The following CABIN1 variants were observed in gnomAD, a reference collection of about 807,000 sequenced individuals.
CABIN1 encodes calcineurin-binding protein cabin-1.
Under a neutral mutation model 227.7 loss-of-function variants are expected in CABIN1, and 133 were observed. The ratio of observed to expected loss-of-function variants is 0.58; its 90% CI spans 0.51 to 0.67. The LOEUF is 0.67. Ranked by LOEUF, CABIN1 falls within the 30% of genes least tolerant of loss-of-function variation. CABIN1 has a pLI of 0.00. For synonymous variants in CABIN1, 1,086 were observed against 1,155.1 expected, an observed-to-expected ratio of 0.94 and a Z score of 1.21; for missense variants, 2,408 against 2,852.5, an observed-to-expected ratio of 0.84 and a Z score of 3.55.
At chr22:24,061,642 T>C (rs1008893765) in intron 12 of CABIN1, among the ~76,000 whole-genome samples, 5 of 152,240 alleles carry the variant, frequency 3.3e-5, no homozygotes, top group East Asian at 1.9e-4. Flanking sequence ...GGTTGAGTTC[T>C]ATAATTTGGA....
chr22:24,077,994 C>G (rs2040553646), intron 19 of CABIN1, among the ~76,000 whole-genome samples: 1 of 152,146 alleles, frequency 6.6e-6, no homozygotes, highest in African/African-American at 2.4e-5. Flanking sequence ...ATTTTCCTGC[C>G]CAAGGCCCAG....
intron 24 of CABIN1, 78 bp from the exon 25 acceptor site, chr22:24,095,845 GCCCATTTC>G: frequency 6.8e-7 from 1 of 1,465,358 alleles, no homozygotes; most frequent in South Asian, 1.1e-5. Flanking sequence ...CTGGTCATGG[GCCCATTTC>G]CAGTGTGGCT....
At chr22:24,043,723 G>C (rs1290392456) in intron 6 of CABIN1, among the ~76,000 whole-genome samples, 1 of 152,174 alleles carries the variant, frequency 6.6e-6, no homozygotes, top group East Asian at 1.9e-4. Flanking sequence ...TCGCATTCCT[G>C]TCTGGGTGAC....
At chr22:24,079,282 A>T (rs1419617591) in intron 19 of CABIN1, among the ~76,000 whole-genome samples, 1 of 151,626 alleles carries the variant, frequency 6.6e-6, no homozygotes, top group Non-Finnish European at 1.5e-5. Context: ...ATTTGTTATT[A>T]TTTTTTAAAA....
At chr22:24,170,087 G>A (rs756738311) in intron 33 of CABIN1, 1 of 454,830 alleles carries the variant, frequency 2.2e-6, no homozygotes, top group South Asian at 1.6e-5. Context: ...GTGGCAGGGA[G>A]GAGGCCCTAA....
At chr22:24,062,169 A>G in intron 13 of CABIN1, 144 bp downstream of exon 13, 2 of 716,484 alleles carry the variant, frequency 2.8e-6, no homozygotes, top group South Asian at 3.0e-5. Context: ...TCAGGGTCCC[A>G]GGGAAATCTC....
At chr22:24,077,257 G>A (rs918883223) in intron 19 of CABIN1, among the ~76,000 whole-genome samples, 8 of 152,112 alleles carry the variant, frequency 5.3e-5, no homozygotes, top group African/African-American at 1.9e-4. Context: ...AGTGTATTGT[G>A]TGTCTCTGCT....
At chr22:24,020,814 T>C (rs1182208149) in intron 1 of CABIN1, among the ~76,000 whole-genome samples, 1 of 149,704 alleles carries the variant, frequency 6.7e-6, no homozygotes, top group Non-Finnish European at 1.5e-5. Context: ...GGAAGGTGTT[T>C]TCTTTGTGAC....
chr22:24,091,910 G>A, intron 24 of CABIN1, 67 bp downstream of exon 24: 1 of 1,588,240 alleles, frequency 6.3e-7, no homozygotes. Context: ...ATCTCCCTGG[G>A]CATGTGGCTC....
chr22:24,069,033 GT>G (rs1374036225), intron 16 of CABIN1, among the ~76,000 whole-genome samples: 9 of 152,204 alleles, frequency 5.9e-5, no homozygotes, highest in Non-Finnish European at 1.0e-4. Context: ...CAGTGTTAAT[GT>G]TTTATGTTTT....
At chr22:24,111,300 G>T (rs1172382987) in intron 26 of CABIN1, among the ~76,000 whole-genome samples, 1 of 152,206 alleles carries the variant, frequency 6.6e-6, no homozygotes, top group South Asian at 2.1e-4. Context: ...CCAACCCCCA[G>T]GTCACAGACT....
intron 28 of CABIN1, among the ~76,000 whole-genome samples, chr22:24,133,988 C>T (rs1393554479): frequency 4.6e-5 from 7 of 152,172 alleles, no homozygotes; most frequent in East Asian, 1.9e-4. Flanking sequence ...TGACAGAAGG[C>T]GGGTACTGGG....
intron 13 of CABIN1, 140 bp downstream of exon 13, chr22:24,062,165 TC>T: frequency 1.4e-6 from 1 of 727,678 alleles, no homozygotes; most frequent in Non-Finnish European, 2.4e-6. Flanking sequence ...CTTGTCAGGG[TC>T]CCAGGGAAAT....
At chr22:24,061,888 C>T in intron 12 of CABIN1, 59 bp from the exon 13 acceptor site, 5 of 1,244,598 alleles carry the variant, frequency 4.0e-6, no homozygotes, top group Non-Finnish European at 5.9e-6. Context: ...CCCCCTACCC[C>T]CCACACTGTG....
intron 26 of CABIN1, among the ~76,000 whole-genome samples, chr22:24,104,272 C>G (rs770671100): frequency 6.6e-6 from 1 of 152,224 alleles, no homozygotes; most frequent in South Asian, 2.1e-4. Context: ...CCTTACAGAA[C>G]TGCTTCGCTT....
intron 26 of CABIN1, among the ~76,000 whole-genome samples, chr22:24,109,301 T>C (rs181679171): frequency 4.6e-5 from 7 of 151,832 alleles, no homozygotes; most frequent in African/African-American, 1.2e-4. Context: ...CACTGCTCAG[T>C]GCAGCCTCAA....
chr22:24,036,155 C>T lies in CABIN1; in HGVS notation c.70C>T (p.His24Tyr), dbSNP rs960860796. ...TGATCATGAAGGAAGCTTTAAAAGT[C>T]ACAAAACCCAGACAAAGGAGGCTCA... is the stretch of plus-strand genomic sequence containing the variant. ...EDDHEGSFKS[H>Y]KTQTKEAQEA... The change falls in exon 3 of 37, where the codon CAC becomes TAC. Residue 24 changes from histidine to tyrosine, a missense_variant. Physicochemically the swap from His to Tyr is moderately conservative, Grantham distance 83. Coordinates refer to ENST00000263119, the MANE Select transcript of CABIN1 (RefSeq NM_012295.4). 6.2e-7 allele frequency: 1 copy of T among 1,613,584 alleles called. No individual in the cohort carries two copies. Among genetic ancestry groups the T allele is most frequent in the Non-Finnish European group, 8.5e-7 (1 of 1,179,612 alleles).
At chr22:24,089,782 G>A (rs1399624771) in intron 23 of CABIN1, among the ~76,000 whole-genome samples, 2 of 152,234 alleles carry the variant, frequency 1.3e-5, no homozygotes, top group Admixed American at 6.5e-5. Flanking sequence ...CTCAGAGGTG[G>A]TGGTGTAGGA....
chr22:24,084,399 C>T (rs138607284), intron 20 of CABIN1, among the ~76,000 whole-genome samples, 180 bp from the exon 21 acceptor site: 7 of 152,060 alleles, frequency 4.6e-5, no homozygotes, highest in African/African-American at 1.4e-4. Context: ...CCACCGTGCC[C>T]AGCTAATTTT....
Sources: gnomAD v4.1 joint callset for allele counts (sites outside exome capture counted in the v4.1 genomes callset) on GRCh38, gnomAD v4.1.1 for gene constraint, MANE v1.5 for transcripts, NCBI Gene and HGNC (gene_info 2026-07-23, HGNC 2026-07-21) for gene names.